Variants in SLCO1C1 observed in about 807,000 individuals in gnomAD.
SLCO1C1 encodes solute carrier organic anion transporter family member 1C1, also known as OAT-RP-5.
A neutral mutation model predicts 76.4 loss-of-function variants in SLCO1C1; 70 were observed. That is an observed-to-expected ratio of 0.92 (90% CI 0.76 to 1.12). The LOEUF (loss-of-function observed/expected upper bound fraction) is 1.12, where lower values mean the gene tolerates loss of function less well. SLCO1C1 is among the 50% of genes most tolerant of loss of function. The probability of loss-of-function intolerance (pLI) is 0.00; values close to 1 mark genes in which losing one functional copy is unlikely to be tolerated. For synonymous variants in SLCO1C1, 306 were observed against 286.1 expected (o/e 1.07, Z -0.70); for missense variants, 912 against 823.8 (o/e 1.11, Z -1.31).
chr12:20,708,997 A>T (rs1946921753), intron 4 of SLCO1C1, among the ~76,000 whole-genome samples: 2 of 152,200 alleles, frequency 1.3e-5, no homozygotes, highest in South Asian at 4.2e-4. Context: ...GAGTGACATG[A>T]TCTTACTTAT....
rs532803475 is a variant in SLCO1C1, at chr12:20,719,685, T to C, written c.776-2119T>C. ...AGAACAAGGCCTAACCCTCATTAAT[T>C]CTATAAAGGCTGAAAGAGATGAGGA... On this transcript the variant is annotated intron_variant, in intron 7 of 14. Coordinates refer to ENST00000266509, the MANE Select transcript of SLCO1C1 (RefSeq NM_017435.5). Among the ~76,000 whole-genome samples, 7 of 152,274 alleles carry C rather than the reference T, an allele frequency of 4.6e-5. No individual in the cohort carries two copies. In the South Asian group the frequency reaches 1.5e-3, roughly 32 times the overall value.
At position 20,715,244 on chromosome 12, in the gene SLCO1C1, T is replaced by A; in HGVS notation, c.635T>A (p.Leu212Gln). 6.2e-7 allele frequency: 1 copy of A among 1,614,078 alleles called. No individual in the cohort carries two copies. The highest frequency in any genetic ancestry group is 8.5e-7 in the Non-Finnish European group (1 of 1,179,940). The change falls in exon 6 of 15, where the codon CTG (leucine) becomes CAG (glutamine). Residue 212 changes from leucine (L) to glutamine (Q), a missense_variant. Coordinates refer to ENST00000266509, the MANE Select transcript of SLCO1C1 (RefSeq NM_017435.5). ...TPIQPLGIAY[L>Q]DDFASEDNAA... ...ATTCAGCCTTTGGGCATTGCCTACC[T>A]GGATGATTTTGCCAGTGAAGACAAT...
chr12:20,700,132 GT>G (rs1946453688), intron 2 of SLCO1C1: 1 of 148,932 alleles, frequency 6.7e-6, no homozygotes, highest in South Asian at 2.2e-4. Flanking sequence ...ATAGTTTTTA[GT>G]TTTTTGAGGA....
At chr12:20,731,715 T>C (rs1459305823) in intron 9 of SLCO1C1, among the ~76,000 whole-genome samples, 2 of 152,324 alleles carry the variant, frequency 1.3e-5, no homozygotes, top group Admixed American at 6.5e-5. Flanking sequence ...AGTGCCAGAT[T>C]GTTCTTCTTT....
chr12:20,740,385 C>A lies in SLCO1C1; in HGVS notation c.1733+17C>A. 1.3e-6 allele frequency: 2 copies of A among 1,589,168 alleles called. No individual in the cohort carries two copies. The highest frequency in any genetic ancestry group is 8.5e-7 in the Non-Finnish European group (1 of 1,170,092). ...ACTTCTGAGGTGAGTACTGATTCTC[C>A]CTATTCTAATTTTAACACAAGACAC... On this transcript the variant is annotated intron_variant, in intron 12 of 14. Coordinates refer to ENST00000266509, the MANE Select transcript of SLCO1C1 (RefSeq NM_017435.5).
chr12:20,698,135 T>G (rs1342341408), intron 1 of SLCO1C1, among the ~76,000 whole-genome samples: 1 of 152,068 alleles, frequency 6.6e-6, no homozygotes, highest in Non-Finnish European at 1.5e-5. Context: ...TCGATGCATC[T>G]TTTTATGTTT....
chr12:20,737,312 T>C, intron 11 of SLCO1C1, 40 bp downstream of exon 11: 1 of 1,526,728 alleles, frequency 6.5e-7, no homozygotes, highest in African/African-American at 1.4e-5. Flanking sequence ...ATGGTCCTGT[T>C]ACAATATAAA....
chr12:20,723,621 A>C (rs1314907436), intron 9 of SLCO1C1, among the ~76,000 whole-genome samples: 1 of 152,210 alleles, frequency 6.6e-6, no homozygotes, highest in African/African-American at 2.4e-5. Flanking sequence ...GTTCATTCCA[A>C]AACAAAACTT....
chr12:20,718,491 C>T (rs1386109506), intron 7 of SLCO1C1, among the ~76,000 whole-genome samples: 2 of 152,156 alleles, frequency 1.3e-5, no homozygotes, highest in African/African-American at 4.8e-5. Flanking sequence ...ATTTTGCTTA[C>T]ACATACAAAT....
At chr12:20,716,391 C>G (rs1947361822) in intron 6 of SLCO1C1, among the ~76,000 whole-genome samples, 1 of 152,132 alleles carries the variant, frequency 6.6e-6, no homozygotes, top group African/African-American at 2.4e-5. Context: ...TTCCTCTGTT[C>G]CAAAAAGTAT....
Position 20,725,487 on chromosome 12 carries a change from ATTAT to A in SLCO1C1, c.1186+2238_1186+2241del, listed in dbSNP as rs1027580083. Among the ~76,000 whole-genome samples, 8 of 147,274 alleles carry A rather than the reference ATTAT, an allele frequency of 5.4e-5. No individual in the cohort carries two copies. In the South Asian group the frequency reaches 1.3e-3, roughly 23 times the overall value. On this transcript the variant is annotated intron_variant, in intron 9 of 14. Coordinates refer to ENST00000266509, the MANE Select transcript of SLCO1C1 (RefSeq NM_017435.5). Reference sequence around the variant, plus strand: ...TATATAATAATAATGCTATTATAAAATTATTTATAATAGTTAAAAGCAGAAAACA... The same window carrying A: ...TATATAATAATAATGCTATTATAAAATTATAATAGTTAAAAGCAGAAAACA...
At chr12:20,736,555 C>T (rs1479548179) in intron 10 of SLCO1C1, among the ~76,000 whole-genome samples, 2 of 152,148 alleles carry the variant, frequency 1.3e-5, no homozygotes, top group East Asian at 1.9e-4. Context: ...ACTGGGAATG[C>T]ACTTGTTGGT....
At chr12:20,708,146 C>T (rs1204715312) in intron 4 of SLCO1C1, among the ~76,000 whole-genome samples, 1 of 152,106 alleles carries the variant, frequency 6.6e-6, no homozygotes, top group East Asian at 1.9e-4. Flanking sequence ...GATTTTCGTT[C>T]TCTAAGAGAT....
In SLCO1C1 at chr12:20,723,099, C is replaced by T. The variant is rs747861300; in HGVS notation, c.1031C>T (p.Pro344Leu). The T allele has an allele frequency of 1.2e-6, 2 of 1,600,564 alleles. No homozygotes were observed. The highest frequency in any genetic ancestry group is 1.8e-5 in the Admixed American group (1 of 55,848). Residue 344 changes from proline (P) to leucine (L), a missense_variant, in exon 9 of 15, where the codon CCA becomes CTA. Pro to Leu is a moderately conservative substitution (Grantham distance 98). Transcript: ENST00000266509. ...TATTTTTGTTTTACAGATTTTCTTC[C>T]ATCACTGAAGAATCTTTTTGGAAAC... ...KIMEMARDFLPSLKNLFGNPV... is the reference protein window; with the variant it reads ...KIMEMARDFLLSLKNLFGNPV...
chr12:20,732,367 T>C (rs1477994152), intron 9 of SLCO1C1, among the ~76,000 whole-genome samples: 1 of 152,176 alleles, frequency 6.6e-6, no homozygotes, highest in Non-Finnish European at 1.5e-5. Context: ...TTCAGTGTGA[T>C]AATATTAACA....
rs375358967 is a variant in SLCO1C1 at position 20,701,283 on chromosome 12, G to C, written c.130-35G>C. The stretch of plus-strand genomic sequence containing the variant: ...TAGTTTCCAATTGTGTGTCAAGCTG[G>C]AGTCAGACTAAGTGTGACCTGTCAT... On this transcript the variant is annotated intron_variant, in intron 2 of 14. Coordinates refer to ENST00000266509, the MANE Select transcript of SLCO1C1 (RefSeq NM_017435.5). The C allele has an allele frequency of 2.1e-6, 3 of 1,437,602 alleles. No individual in the cohort carries two copies. The African/African-American group carries it at 4.3e-5, about 21-fold the overall frequency. The allele number at this position is 1,437,602 out of a possible 1,614,324, so 89.1% of individuals were successfully genotyped here.
intron 5 of SLCO1C1, 102 bp downstream of exon 5, chr12:20,711,612 CT>C: frequency 8.1e-7 from 1 of 1,241,940 alleles, no homozygotes; most frequent in Non-Finnish European, 1.1e-6. Context: ...CTCCCAAAAG[CT>C]TTACTACTTA....
intron 10 of SLCO1C1, among the ~76,000 whole-genome samples, chr12:20,733,382 A>G (rs1948386647): frequency 1.3e-5 from 2 of 152,210 alleles, no homozygotes; most frequent in African/African-American, 4.8e-5. Flanking sequence ...TAGCAGAAAT[A>G]CAAACCTTGA....
In SLCO1C1 at chr12:20,732,955, G is replaced by A; in HGVS notation, c.1233G>A (p.Gly411=). 4 of 1,614,004 alleles carry A rather than the reference G, an allele frequency of 2.5e-6. No individual in the cohort carries two copies. The highest frequency in any genetic ancestry group is 1.1e-5 in the South Asian group (1 of 91,078). Residue 411 remains glycine (G), a synonymous_variant, in exon 10 of 15, where the codon GGG becomes GGA. Coordinates refer to ENST00000266509, the MANE Select transcript of SLCO1C1 (RefSeq NM_017435.5). ...PAVALGIFSG[G]IVMKKFRISV... is the part of the protein sequence containing the mutation. ...TGGCCCTTGGAATATTCTCTGGGGG[G>A]ATAGTTATGAAAAAATTCAGAATCA...
Sources: allele counts gnomAD v4.1 joint callset (sites outside exome capture counted in the v4.1 genomes callset), GRCh38; gene constraint gnomAD v4.1.1; transcripts MANE v1.5; gene names NCBI Gene and HGNC (gene_info 2026-07-23, HGNC 2026-07-21).